Variants in ZNF385D observed in about 807,000 individuals in gnomAD.
ZNF385D encodes zinc finger protein 659.
In ZNF385D, 15 loss-of-function variants were observed where a neutral mutation model predicts 35.8. The ratio of observed to expected loss-of-function variants is 0.42; its 90% confidence interval spans 0.28 to 0.64. The LOEUF is 0.64. Among genes scored for constraint, ZNF385D ranks in the 30% least tolerant of loss-of-function variants. ZNF385D has a pLI of 0.23. For synonymous variants in ZNF385D, 212 were observed against 186.8 expected, an observed-to-expected ratio of 1.13 and a Z score of -1.10; for missense variants, 474 against 494.6, an observed-to-expected ratio of 0.96 and a Z score of 0.39.
At chr3:21,623,920 G>A (rs1001532083) in intron 2 of ZNF385D, among the ~76,000 whole-genome samples, 7 of 151,996 alleles carry the variant, frequency 4.6e-5, no homozygotes, top group African/African-American at 1.4e-4. Flanking sequence ...GCATGTTGAC[G>A]GGTTTGAAGT....
rs144252965 is a variant in ZNF385D, at chr3:22,259,588, A to G, written c.107-90553T>C. On this transcript the variant is annotated intron_variant, in intron 2 of 5. Coordinates refer to the ZNF385D transcript ENST00000494108. ...GCTGTGTACCTCCCATGTTGTCACTAGCATATCAAAAAAATGTTTAATTCA... is the reference window on the plus strand; with the variant it reads ...GCTGTGTACCTCCCATGTTGTCACTGGCATATCAAAAAAATGTTTAATTCA... 3.3e-5 allele frequency among the ~76,000 whole-genome samples: 5 copies of G among 152,142 alleles called. No individual in the cohort carries two copies. In the East Asian group the frequency reaches 9.7e-4, roughly 30 times the overall value.
intron 4 of ZNF385D, among the ~76,000 whole-genome samples, chr3:21,508,180 G>C (rs1158747119): frequency 2.0e-5 from 3 of 152,062 alleles, no homozygotes; most frequent in Non-Finnish European, 4.4e-5. Context: ...GCTCCAGCTT[G>C]GAAGGGTGCT....
intron 2 of ZNF385D, among the ~76,000 whole-genome samples, chr3:22,278,806 A>T (rs1701566032): frequency 6.6e-6 from 1 of 152,122 alleles, no homozygotes; most frequent in Admixed American, 6.6e-5. Flanking sequence ...TCTCTTGGGC[A>T]GGGATCCAGA....
At chr3:22,167,782 C>G (rs1457393187) in intron 3 of ZNF385D, among the ~76,000 whole-genome samples, 1 of 152,158 alleles carries the variant, frequency 6.6e-6, no homozygotes, top group Non-Finnish European at 1.5e-5. Context: ...TACTTTCTGA[C>G]CACAATTTTT....
chr3:22,282,867 G>T (rs1027373332), intron 2 of ZNF385D, among the ~76,000 whole-genome samples: 1 of 151,970 alleles, frequency 6.6e-6, no homozygotes, highest in African/African-American at 2.4e-5. Context: ...AATGGCCTAA[G>T]TGTTCCACTT....
chr3:21,432,675 G>A (rs1254417485), intron 5 of ZNF385D, among the ~76,000 whole-genome samples: 1 of 151,688 alleles, frequency 6.6e-6, no homozygotes, highest in Non-Finnish European at 1.5e-5. Flanking sequence ...TATAGGTCAA[G>A]GGAAGGGCTT....
chr3:21,890,777 G>C (rs1358729887), intron 3 of ZNF385D, among the ~76,000 whole-genome samples: 1 of 152,174 alleles, frequency 6.6e-6, no homozygotes, highest in African/African-American at 2.4e-5. Context: ...ATTGCTGATG[G>C]GAAGGGGTAA....
intron 3 of ZNF385D, among the ~76,000 whole-genome samples, chr3:21,519,145 C>G (rs1247466894): frequency 1.3e-5 from 2 of 151,968 alleles, no homozygotes; most frequent in Non-Finnish European, 2.9e-5. Context: ...AAAGATAATA[C>G]CACAGGATTA....
At chr3:21,971,612 A>C (rs1474411568) in intron 3 of ZNF385D, among the ~76,000 whole-genome samples, 3 of 151,870 alleles carry the variant, frequency 2.0e-5, no homozygotes, top group Non-Finnish European at 4.4e-5. Flanking sequence ...GTCCTTACTC[A>C]TCAATAATAG....
chr3:21,464,626 C>T (rs1703389962), intron 4 of ZNF385D, among the ~76,000 whole-genome samples: 1 of 152,116 alleles, frequency 6.6e-6, no homozygotes, highest in South Asian at 2.1e-4. Context: ...CTGTTAGAAG[C>T]TGCAGTTCAA....
chr3:21,950,014 CAT>C (rs1449886245), intron 3 of ZNF385D, among the ~76,000 whole-genome samples: 1 of 152,142 alleles, frequency 6.6e-6, no homozygotes, highest in Non-Finnish European at 1.5e-5. Flanking sequence ...CCACAATAAA[CAT>C]ATGTGTGCAC....
intron 3 of ZNF385D, among the ~76,000 whole-genome samples, chr3:21,774,898 A>G (rs2071223770): frequency 6.6e-6 from 1 of 151,970 alleles, no homozygotes; most frequent in South Asian, 2.1e-4. Context: ...CTAAGGGTCT[A>G]AAACTGAGAG....
chr3:21,988,459 G>T (rs1466072728), intron 3 of ZNF385D, among the ~76,000 whole-genome samples: 1 of 136,930 alleles, frequency 7.3e-6, no homozygotes, highest in South Asian at 2.9e-4. Flanking sequence ...CTGCTGGGGG[G>T]TGCCTCCCAG....
At chr3:22,323,070 A>G (rs1298099969) in intron 2 of ZNF385D, among the ~76,000 whole-genome samples, 6 of 152,056 alleles carry the variant, frequency 3.9e-5, no homozygotes, top group South Asian at 2.1e-4. Context: ...GAAATGCGTA[A>G]AAGTCCTCTG....
intron 1 of ZNF385D, among the ~76,000 whole-genome samples, chr3:21,711,414 T>G (rs1559542151): frequency 6.6e-6 from 1 of 152,184 alleles, no homozygotes; most frequent in Non-Finnish European, 1.5e-5. Context: ...AATATTCTAT[T>G]AATAAGTTTG....
chr3:21,919,859 T>G (rs150641907), intron 3 of ZNF385D, among the ~76,000 whole-genome samples: 2 of 152,206 alleles, frequency 1.3e-5, no homozygotes, highest in African/African-American at 2.4e-5. Flanking sequence ...CTGAATAACT[T>G]TGAATAACTC....
rs142258343 is a variant in ZNF385D at position 21,995,912 on chromosome 3, G to A, written c.325+172905C>T. ...GGCAGCTTTCCCAGTGTGCTACATTGTCTATACCTTGGGGTGTAGGATACT... is the reference window on the plus strand; with the variant it reads ...GGCAGCTTTCCCAGTGTGCTACATTATCTATACCTTGGGGTGTAGGATACT... On this transcript the variant is annotated intron_variant, in intron 3 of 5. Coordinates refer to the ZNF385D transcript ENST00000494108. Among the ~76,000 whole-genome samples the A allele has an allele frequency of 5.5e-3, 833 of 152,146 alleles. 9 individuals carry two copies. Among genetic ancestry groups the A allele is most frequent in the African/African-American group, 0.019 (795 of 41,504 alleles).
chr3:22,027,690 C>G (rs1433802035), intron 3 of ZNF385D, among the ~76,000 whole-genome samples: 1 of 152,138 alleles, frequency 6.6e-6, no homozygotes, highest in Non-Finnish European at 1.5e-5. Flanking sequence ...CAGCTGCATT[C>G]CATCATCAAA....
chr3:22,011,307 T>C (rs1696560445), intron 3 of ZNF385D, among the ~76,000 whole-genome samples: 1 of 152,080 alleles, frequency 6.6e-6, no homozygotes, highest in African/African-American at 2.4e-5. Context: ...ATTCTTATTT[T>C]AGAAAAAAAA....
Sources: allele counts gnomAD v4.1 joint callset (sites outside exome capture counted in the v4.1 genomes callset), GRCh38; gene constraint gnomAD v4.1.1; transcripts MANE v1.5; gene names NCBI Gene and HGNC (gene_info 2026-07-23, HGNC 2026-07-21).